The following LRRC74A variants were observed in gnomAD, a reference collection of about 807,000 sequenced individuals.
LRRC74A encodes the protein leucine-rich repeat-containing protein 74A.
LRRC74A carries 44 observed loss-of-function variants against 57.9 expected under a neutral mutation model. The observed-to-expected ratio is 0.76, with a 90% CI of 0.60 to 0.98. The LOEUF (loss-of-function observed/expected upper bound fraction) is 0.98, where lower values mean the gene tolerates loss of function less well. LRRC74A is among the 50% of genes least tolerant of loss of function. The pLI, the probability that LRRC74A is intolerant of heterozygous loss-of-function variation, is 0.00. For missense variants in LRRC74A, 572 were observed against 574.0 expected (o/e 1.00, Z 0.04); for synonymous variants, 211 against 219.4 (o/e 0.96, Z 0.34).
At chr14:76,845,672 A>G (rs2140282315) in intron 7 of LRRC74A, among the ~76,000 whole-genome samples, 1 of 152,352 alleles carries the variant, frequency 6.6e-6, no homozygotes, top group Admixed American at 6.5e-5. Context: ...TTTGACAACA[A>G]TACATTTGAA....
chr14:76,852,952 G>A (rs1897613993), intron 8 of LRRC74A, among the ~76,000 whole-genome samples: 2 of 152,098 alleles, frequency 1.3e-5, no homozygotes, highest in Admixed American at 1.3e-4. Context: ...TATCTGCTGA[G>A]GCCAGGGTGA....
At chr14:76,845,759 G>A (rs992680210) in intron 7 of LRRC74A, among the ~76,000 whole-genome samples, 3 of 152,344 alleles carry the variant, frequency 2.0e-5, no homozygotes, top group Admixed American at 1.3e-4. Flanking sequence ...GGTGGCTTAC[G>A]CCTGTAGTCC....
intron 11 of LRRC74A, among the ~76,000 whole-genome samples, chr14:76,865,548 A>G (rs1220720452): frequency 6.6e-6 from 1 of 152,224 alleles, no homozygotes; most frequent in Non-Finnish European, 1.5e-5. Context: ...TGATCTCTGA[A>G]CATCCGCGCG....
intron 3 of LRRC74A, among the ~76,000 whole-genome samples, chr14:76,835,525 T>C (rs1459163075): frequency 6.6e-6 from 1 of 151,362 alleles, no homozygotes; most frequent in East Asian, 1.9e-4. Context: ...ATCTTGGATC[T>C]AGATATTCAC....
At chr14:76,845,556 T>C (rs909527770) in intron 7 of LRRC74A, among the ~76,000 whole-genome samples, 5 of 152,208 alleles carry the variant, frequency 3.3e-5, no homozygotes, top group Non-Finnish European at 7.3e-5. Context: ...GCTTATTACC[T>C]GGGTGATGAA....
chr14:76,852,037 G>A (rs1206871678), intron 7 of LRRC74A, among the ~76,000 whole-genome samples: 2 of 152,160 alleles, frequency 1.3e-5, no homozygotes, highest in East Asian at 1.9e-4. Context: ...CTGTGCTGTA[G>A]TCTTAGGTAG....
At chr14:76,856,401 A>G (rs1897876979) in intron 9 of LRRC74A, among the ~76,000 whole-genome samples, 1 of 152,084 alleles carries the variant, frequency 6.6e-6, no homozygotes, top group Non-Finnish European at 1.5e-5. Flanking sequence ...CCCCAATTAC[A>G]GTGTTAAGTT....
At position 76,865,996 on chromosome 14, in the gene LRRC74A, T is replaced by C; in HGVS notation, c.1229T>C (p.Ile410Thr). ...QSYADQHKIT[I>T]VDFFKSLNPT... Reference sequence around the variant, plus strand: ...TATGCAGACCAACACAAAATCACGATCGTGGACTTCTTCAAGAGCTTGAAC... The same window carrying C: ...TATGCAGACCAACACAAAATCACGACCGTGGACTTCTTCAAGAGCTTGAAC... Residue 410 changes from isoleucine to threonine, a missense_variant, in exon 12 of 14, where the codon ATC (isoleucine) becomes ACC (threonine). Coordinates refer to ENST00000689127, the MANE Select transcript of LRRC74A (RefSeq NM_001385106.1). The C allele has an allele frequency of 1.2e-6, 2 of 1,600,882 alleles. No individual in the cohort carries two copies. Among genetic ancestry groups the C allele is most frequent in the South Asian group, 2.2e-5 (2 of 89,864 alleles).
rs1034140718 is a variant in LRRC74A, at chr14:76,843,337, G to C, written c.545-1086G>C. 2.4e-4 allele frequency among the ~76,000 whole-genome samples: 35 copies of C among 146,538 alleles called. 1 individual carries two copies. Among genetic ancestry groups the C allele is most frequent in the Non-Finnish European group, 4.5e-4 (30 of 67,312 alleles). On this transcript the variant is annotated intron_variant, in intron 5 of 13. Transcript: ENST00000689127. ...AAAAAAAAAAAACTTGTTCAATATA[G>C]ATGATTTTACACTAATTTTGGTTTT...
intron 12 of LRRC74A, among the ~76,000 whole-genome samples, chr14:76,866,443 A>G (rs1898801404): frequency 6.6e-6 from 1 of 152,144 alleles, no homozygotes. Flanking sequence ...CTTAGGAATC[A>G]TTTTCCTGAA....
In LRRC74A at chr14:76,836,194, G is replaced by A. The variant is rs1479163094; in HGVS notation, c.340-13G>A. On this transcript the variant is annotated splice_polypyrimidine_tract_variant and intron_variant, in intron 3 of 13. Transcript: ENST00000689127. Reference sequence around the variant, plus strand: ...CTTCTGTGTCTCTCTCCCTCCCCTTGTGCTGGCTGAAGTCCAACATGGCTG... The same window carrying A: ...CTTCTGTGTCTCTCTCCCTCCCCTTATGCTGGCTGAAGTCCAACATGGCTG... The A allele has an allele frequency of 2.5e-6, 4 of 1,599,704 alleles. No individual in the cohort carries two copies. In the South Asian group the frequency reaches 4.4e-5, roughly 18 times the overall value.
intron 1 of LRRC74A, 40 bp downstream of exon 1, chr14:76,826,774 C>A: frequency 7.3e-7 from 1 of 1,371,172 alleles, no homozygotes; most frequent in Non-Finnish European, 9.8e-7. Context: ...AGGCCCGTCC[C>A]TGCTGCCTCA....
intron 10 of LRRC74A, among the ~76,000 whole-genome samples, chr14:76,857,893 G>A (rs1022713069): frequency 1.3e-5 from 2 of 152,152 alleles, no homozygotes; most frequent in Non-Finnish European, 2.9e-5. Flanking sequence ...TTCATTTCAT[G>A]AGTTGGCCTG....
At chr14:76,833,520 C>A (rs1896114403) in intron 3 of LRRC74A, among the ~76,000 whole-genome samples, 1 of 138,914 alleles carries the variant, frequency 7.2e-6, no homozygotes, top group Non-Finnish European at 1.5e-5. Flanking sequence ...GAGCTCACTG[C>A]AACTTCTACC....
Position 76,826,652 on chromosome 14 carries a change from G to C in LRRC74A, c.-46G>C, listed in dbSNP as rs1439136644. 6.2e-7 allele frequency: 1 copy of C among 1,601,678 alleles called. No individual in the cohort carries two copies. Among genetic ancestry groups the C allele is most frequent in the Non-Finnish European group, 8.5e-7 (1 of 1,174,534 alleles). On this transcript the variant is annotated 5_prime_UTR_variant, in exon 1 of 14. Transcript: ENST00000689127. ...GTGTGCTTCTTAGGGAAGCAGTCGA[G>C]AGGTGGCAAGAAGTTGGCAGCTGCC...
chr14:76,870,159 T>G lies in LRRC74A; in HGVS notation c.*10T>G. The G allele has an allele frequency of 6.2e-7, 1 of 1,610,572 alleles. No homozygotes were observed. The highest frequency in any genetic ancestry group is 1.7e-4 in the Middle Eastern group (1 of 6,054). ...CACGATGAAGCCATAGCAACAAGTC[T>G]GGTCTAGAAAGAAGTCTCGGCGAGA... is the stretch of plus-strand genomic sequence containing the variant. On this transcript the variant is annotated 3_prime_UTR_variant, in exon 14 of 14. Transcript: ENST00000689127.
chr14:76,841,756 A>T (rs539151890), intron 5 of LRRC74A, among the ~76,000 whole-genome samples: 37 of 144,720 alleles, frequency 2.6e-4, no homozygotes, highest in African/African-American at 8.5e-4. Context: ...TCTTGTTGCC[A>T]GGCTGGAGTG....
intron 2 of LRRC74A, 71 bp from the exon 3 acceptor site, chr14:76,831,132 T>C: frequency 6.8e-7 from 1 of 1,475,748 alleles, no homozygotes; most frequent in Non-Finnish European, 9.4e-7. Flanking sequence ...TGAGTGAATG[T>C]CACTGGGGCT....
At chr14:76,863,784 ACT>A (rs1898521924) in intron 11 of LRRC74A, among the ~76,000 whole-genome samples, 2 of 152,064 alleles carry the variant, frequency 1.3e-5, no homozygotes, top group South Asian at 4.1e-4. Context: ...GAACAAACAG[ACT>A]CTTGTTAGAT....
Sources: allele counts gnomAD v4.1 joint callset (sites outside exome capture counted in the v4.1 genomes callset), GRCh38; gene constraint gnomAD v4.1.1; transcripts MANE v1.5; gene names NCBI Gene and HGNC (gene_info 2026-07-23, HGNC 2026-07-21).